IAH1: variants seen among roughly 807,000 people sequenced by gnomAD.
IAH1 encodes isoamyl acetate hydrolyzing esterase 1 (putative), also known as isoamyl acetate-hydrolyzing esterase 1 homolog.
Under a neutral mutation model 26.7 loss-of-function variants are expected in IAH1, and 24 were observed. The ratio of observed to expected loss-of-function variants is 0.90; its 90% CI spans 0.65 to 1.26. The LOEUF (loss-of-function observed/expected upper bound fraction) is 1.26. Among genes scored for constraint, IAH1 ranks in the 50% most tolerant of loss-of-function variants. The pLI is 0.00. For missense variants in IAH1, 300 were observed against 299.9 expected, an observed-to-expected ratio of 1.00 and a Z score of 0.00; for synonymous variants, 140 against 118.5, an observed-to-expected ratio of 1.18 and a Z score of -1.18.
chr2:9,492,832 A>G, downstream of IAH1: 1 of 1,384,468 alleles, frequency 7.2e-7, no homozygotes, highest in South Asian at 1.4e-5. Context: ...TTTTCCAGAG[A>G]TTACATGGTT....
At chr2:9,493,966 TC>T, downstream of IAH1, 1 of 632,504 alleles carries the variant, frequency 1.6e-6, no homozygotes, top group Non-Finnish European at 2.7e-6. Flanking sequence ...GGCAATAACT[TC>T]CGCGTAATGA....
At chr2:9,509,271 A>C in the IAH1 span, among the ~76,000 whole-genome samples, 1 of 152,240 alleles carries the variant, frequency 6.6e-6, no homozygotes, top group Non-Finnish European at 1.5e-5. Context: ...TATGCTGTTT[A>C]ACTTCAAATA....
At position 9,474,695 on chromosome 2, in the gene IAH1, G is replaced by C. The variant is rs1283286700; in HGVS notation, c.81+48G>C. ...CCTCCCGCCCCGGCCTCCCTGCGGG[G>C]TCGCTGCCGAGCAGGCCGAGGCTCC... On this transcript the variant is annotated intron_variant, in intron 1 of 5. Coordinates refer to ENST00000497473, the MANE Select transcript of IAH1 (RefSeq NM_001039613.3). This position sits in a 1 kb window ranked among gnomAD's most constrained non-coding sequence, Gnocchi z 4.3. The C allele has an allele frequency of 1.4e-6, 2 of 1,416,374 alleles. No individual in the cohort carries two copies. Among genetic ancestry groups the C allele is most frequent in the Non-Finnish European group, 1.9e-6 (2 of 1,048,004 alleles). 87.7% of individuals were successfully genotyped at this position (1,416,374 alleles called of 1,614,324 possible). A position where few individuals can be genotyped will look rare whatever the true frequency, so the allele number is the denominator to read the frequency against.
chr2:9,476,068 TTA>T, intron 2 of IAH1, 29 bp downstream of exon 2: 2 of 1,579,712 alleles, frequency 1.3e-6, no homozygotes, highest in Non-Finnish European at 1.7e-6. Flanking sequence ...ACTTGAGTTC[TTA>T]TGGATGGAAA....
At chr2:9,490,409 G>T, downstream of IAH1, 2 of 1,614,164 alleles carry the variant, frequency 1.2e-6, no homozygotes, top group Non-Finnish European at 1.7e-6. Context: ...AGCTGCTGGC[G>T]CCGAAGGGAT....
At chr2:9,499,617 T>C (rs766215490), downstream of IAH1, among the ~76,000 whole-genome samples, 1 of 152,156 alleles carries the variant, frequency 6.6e-6, no homozygotes, top group African/African-American at 2.4e-5. Flanking sequence ...TTAGCCAGGA[T>C]GGTCTCGATC....
intron 1 of IAH1, chr2:9,475,153 A>C: frequency 7.8e-7 from 1 of 1,286,234 alleles, no homozygotes; most frequent in Non-Finnish European, 1.0e-6. Context: ...ATTAGGTAGA[A>C]AAGGACCATC....
Position 9,488,363 on chromosome 2 carries a change from T to TA in IAH1, c.*35dup. ...AGGAGACCCAAATCTGCTTGTTATC[T>TA]ACAGAACTCAAAGTTGTCAATACGT... On this transcript the variant is annotated 3_prime_UTR_variant, in exon 6 of 6. Transcript: ENST00000497473. 6.5e-7 allele frequency: 1 copy of TA among 1,533,196 alleles called. No homozygotes were observed. The highest frequency in any genetic ancestry group is 8.8e-7 in the Non-Finnish European group (1 of 1,141,404). 95.0% of individuals were successfully genotyped at this position (1,533,196 alleles called of 1,614,324 possible). A position where few individuals can be genotyped will look rare whatever the true frequency, so the allele number is the denominator to read the frequency against.
intron 3 of IAH1, among the ~76,000 whole-genome samples, chr2:9,479,957 C>T (rs1200531400): frequency 2.0e-5 from 3 of 151,512 alleles, no homozygotes; most frequent in Non-Finnish European, 4.4e-5. Flanking sequence ...TATAGGCGCT[C>T]GCCACCACGC....
chr2:9,478,456 T>C (rs1660956446), intron 3 of IAH1, 86 bp downstream of exon 3: 2 of 1,300,592 alleles, frequency 1.5e-6, no homozygotes, highest in Non-Finnish European at 1.1e-6. Flanking sequence ...TTTTTTCAAC[T>C]GTTTACTTTC....
downstream of IAH1, chr2:9,493,002 A>C (rs1662286500): frequency 6.3e-7 from 1 of 1,598,254 alleles, no homozygotes; most frequent in African/African-American, 1.3e-5. Context: ...AACAATTCCA[A>C]ACAGTTAATG....
At chr2:9,482,032 CTTTTT>C (rs58813442) in intron 4 of IAH1, among the ~76,000 whole-genome samples, 4 of 134,640 alleles carry the variant, frequency 3.0e-5, no homozygotes, top group East Asian at 2.1e-4. Context: ...TGGAAGTTCT[CTTTTT>C]TTTTTTTTTT....
intron 1 of IAH1, chr2:9,475,650 G>T: frequency 3.1e-6 from 1 of 325,338 alleles, no homozygotes; most frequent in South Asian, 3.2e-5. Context: ...ATAGACGTGC[G>T]CCACCACACC....
chr2:9,475,184 A>G (rs1212118009), intron 1 of IAH1: 11 of 1,288,464 alleles, frequency 8.5e-6, no homozygotes, highest in Non-Finnish European at 1.1e-5. Context: ...AGATCATCTC[A>G]CCTCCCATGA....
rs1283331834 is a variant in IAH1 at position 9,478,384 on chromosome 2, TG to T, written c.283+15del. On this transcript the variant is annotated intron_variant, in intron 3 of 5. Coordinates refer to ENST00000497473, the MANE Select transcript of IAH1 (RefSeq NM_001039613.3). ...GTGCACTAAAAGGTAAAAGCATTTT[TG>T]ATGTTCTTCTAGCTCACTTTTAATC... is the stretch of plus-strand genomic sequence containing the variant. The T allele has an allele frequency of 6.3e-7, 1 of 1,579,628 alleles. No homozygotes were observed. The highest frequency in any genetic ancestry group is 8.6e-7 in the Non-Finnish European group (1 of 1,162,090).
rs1390469858 is a variant in IAH1, at chr2:9,488,240, G to C, written c.658G>C (p.Val220Leu). ...SHLWPLIEKK[V>L]SSLPLLLPYW... ...TCTCTGGCCTTTGATAGAGAAAAAG[G>C]TCTCTTCTCTACCTTTGCTGCTTCC... The change falls in exon 6 of 6, where the codon GTC (valine) becomes CTC (leucine). Residue 220 changes from valine to leucine, a missense_variant. Transcript: ENST00000497473. 1 of 1,613,182 alleles carries C rather than the reference G, an allele frequency of 6.2e-7. No individual in the cohort carries two copies. The highest frequency in any genetic ancestry group is 8.5e-7 in the Non-Finnish European group (1 of 1,179,480).
intron 3 of IAH1, among the ~76,000 whole-genome samples, chr2:9,478,949 T>C (rs888842503): frequency 6.6e-6 from 1 of 152,210 alleles, no homozygotes; most frequent in Non-Finnish European, 1.5e-5. Flanking sequence ...TCAGCCTTTG[T>C]TTTGGGAAGT....
intron 3 of IAH1, among the ~76,000 whole-genome samples, chr2:9,480,412 G>A (rs1661100396): frequency 6.6e-6 from 1 of 152,088 alleles, no homozygotes; most frequent in Non-Finnish European, 1.5e-5. Context: ...GTGTGGGAGG[G>A]TCGCTTGGCC....
Position 9,489,393 on chromosome 2 carries a change from T to C in IAH1, c.*1064T>C, listed in dbSNP as rs1411332940. The C allele has an allele frequency of 6.6e-6, 1 of 151,054 alleles. No individual in the cohort carries two copies. The highest frequency in any genetic ancestry group is 1.9e-4 in the East Asian group (1 of 5,178). 9.4% of individuals were successfully genotyped at this position (151,054 alleles called of 1,614,324 possible). A position where few individuals can be genotyped will look rare whatever the true frequency, so the allele number is the denominator to read the frequency against. On this transcript the variant is annotated 3_prime_UTR_variant, in exon 6 of 6. Coordinates refer to ENST00000497473, the MANE Select transcript of IAH1 (RefSeq NM_001039613.3). ...CCACCACTCCCAGCCAATAGTGAATTTTCTAAGAGCATGTATCCCTATCAG... is the reference window on the plus strand; with the variant it reads ...CCACCACTCCCAGCCAATAGTGAATCTTCTAAGAGCATGTATCCCTATCAG...
Sources: gnomAD v4.1 joint callset for allele counts (sites outside exome capture counted in the v4.1 genomes callset) on GRCh38, gnomAD v4.1.1 for gene constraint, Gnocchi (gnomAD v3.1) non-coding constraint, MANE v1.5 for transcripts, NCBI Gene and HGNC (gene_info 2026-07-23, HGNC 2026-07-21) for gene names.